The following BCAS3 variants were observed in gnomAD, a reference collection of about 807,000 sequenced individuals.
The protein encoded by BCAS3 is BCAS4/BCAS3 fusion.
BCAS3 carries 53 observed loss-of-function variants against 116.1 expected under a neutral mutation model. The ratio of observed to expected loss-of-function variants is 0.46; its 90% CI spans 0.37 to 0.57. The LOEUF (loss-of-function observed/expected upper bound fraction) is 0.57, where lower values mean the gene tolerates loss of function less well. BCAS3 is among the 20% of genes least tolerant of loss of function. The pLI, the probability that BCAS3 is intolerant of heterozygous loss-of-function variation, is 0.00. For missense variants in BCAS3, 917 were observed against 1,165.4 expected, an observed-to-expected ratio of 0.79 and a Z score of 3.10; for synonymous variants, 391 against 408.2, an observed-to-expected ratio of 0.96 and a Z score of 0.51.
At chr17:60,692,579 T>TCAA (rs1195276998) in intron 4 of BCAS3, among the ~76,000 whole-genome samples, 3 of 149,368 alleles carry the variant, frequency 2.0e-5, no homozygotes, top group African/African-American at 7.7e-5. Flanking sequence ...TGTTGAATAT[T>TCAA]GAAACAGGAC....
chr17:60,919,025 T>C (rs569366207), intron 12 of BCAS3, among the ~76,000 whole-genome samples: 7 of 152,294 alleles, frequency 4.6e-5, no homozygotes, highest in Admixed American at 2.6e-4. Context: ...CATTGAGTTA[T>C]TCAGTTTATG....
At chr17:61,045,881 A>C (rs1600731263) in intron 19 of BCAS3, among the ~76,000 whole-genome samples, 2 of 45,332 alleles carry the variant, frequency 4.4e-5, no homozygotes, top group African/African-American at 3.7e-4. Flanking sequence ...ATATAAATAT[A>C]TATTATATAT....
Position 60,683,971 on chromosome 17 carries a change from C to A in BCAS3, c.84-11C>A. On this transcript the variant is annotated splice_polypyrimidine_tract_variant and intron_variant, in intron 2 of 23. Transcript: ENST00000407086. The stretch of plus-strand genomic sequence containing the variant: ...CTCCTGACCAGTGTTGTCCATTTCA[C>A]CCTTTTCCAGAGAGCAGTCCTACAT... 3 of 1,612,454 alleles carry A rather than the reference C, an allele frequency of 1.9e-6. No individual in the cohort carries two copies. Among genetic ancestry groups the A allele is most frequent in the Non-Finnish European group, 2.5e-6 (3 of 1,178,686 alleles).
At chr17:61,129,866 T>C (rs796743456) in intron 22 of BCAS3, among the ~76,000 whole-genome samples, 9 of 152,384 alleles carry the variant, frequency 5.9e-5, no homozygotes, top group African/African-American at 2.2e-4. Context: ...TATAAAGCTG[T>C]AATTTCTCAC....
At chr17:61,062,070 G>GAT (rs1358087965) in intron 19 of BCAS3, among the ~76,000 whole-genome samples, 1 of 152,112 alleles carries the variant, frequency 6.6e-6, no homozygotes, top group Non-Finnish European at 1.5e-5. Flanking sequence ...AACTTCTGTT[G>GAT]ATATATATCT....
chr17:60,834,803 T>C (rs1193491590), intron 7 of BCAS3, among the ~76,000 whole-genome samples: 2 of 152,004 alleles, frequency 1.3e-5, no homozygotes, highest in Non-Finnish European at 2.9e-5. Flanking sequence ...ATAAGGAGTT[T>C]TAAGTTATAT....
In BCAS3 at chr17:61,118,768, G is replaced by A. The variant is rs934821132; in HGVS notation, c.2425+34204G>A. Reference sequence around the variant, plus strand: ...TTTTGTTGTGACAAAAGCATAGACAGACCTTGAGGTGTAGAAATGTTCAAT... The same window carrying A: ...TTTTGTTGTGACAAAAGCATAGACAAACCTTGAGGTGTAGAAATGTTCAAT... On this transcript the variant is annotated intron_variant, in intron 22 of 23. Transcript: ENST00000407086. The surrounding 1 kb of genome is among the most constrained non-coding windows in gnomAD (Gnocchi z 5.0). Among the ~76,000 whole-genome samples, 1 of 152,198 alleles carries A rather than the reference G, an allele frequency of 6.6e-6. No homozygotes were observed. The highest frequency in any genetic ancestry group is 2.4e-5 in the African/African-American group (1 of 41,438).
intron 5 of BCAS3, among the ~76,000 whole-genome samples, chr17:60,723,702 A>ACTTT (rs1395017093): frequency 4.0e-5 from 5 of 123,822 alleles, no homozygotes; most frequent in African/African-American, 8.9e-5. Context: ...TTACTTTTTC[A>ACTTT]CTTTCTTTCT....
chr17:61,318,557 C>A (rs963910575), intron 22 of BCAS3, among the ~76,000 whole-genome samples: 1 of 152,146 alleles, frequency 6.6e-6, no homozygotes, highest in Non-Finnish European at 1.5e-5. Context: ...AGGGACACAC[C>A]GCTTAATCAC....
chr17:61,033,762 A>G (rs2066815708), intron 16 of BCAS3, among the ~76,000 whole-genome samples: 1 of 152,190 alleles, frequency 6.6e-6, no homozygotes, highest in Admixed American at 6.5e-5. Context: ...GTGATTGGCA[A>G]AATTGCTTTG....
intron 13 of BCAS3, among the ~76,000 whole-genome samples, chr17:60,936,456 CT>C: frequency 6.6e-6 from 1 of 152,210 alleles, no homozygotes; most frequent in African/African-American, 2.4e-5. Flanking sequence ...AATGGTTGAA[CT>C]AGTTTACAGT....
intron 22 of BCAS3, among the ~76,000 whole-genome samples, chr17:61,216,556 T>TTATG (rs2081803579): frequency 6.6e-6 from 1 of 151,944 alleles, no homozygotes; most frequent in Non-Finnish European, 1.5e-5. Flanking sequence ...TTTTATTTAT[T>TTATG]TATTTTTGAG....
chr17:61,146,140 G>A (rs559796940), intron 22 of BCAS3, among the ~76,000 whole-genome samples: 85 of 144,278 alleles, frequency 5.9e-4, no homozygotes, highest in Middle Eastern at 3.6e-3. Flanking sequence ...ACAGTTTCAC[G>A]CTGTGGCCCA....
chr17:60,758,910 A>G (rs914865124), intron 6 of BCAS3, among the ~76,000 whole-genome samples: 1 of 151,296 alleles, frequency 6.6e-6, no homozygotes, highest in Admixed American at 6.6e-5. Flanking sequence ...TGTAATTTCC[A>G]TGTATTTGTA....
intron 5 of BCAS3, among the ~76,000 whole-genome samples, chr17:60,720,836 AC>A (rs1458540499): frequency 6.6e-6 from 1 of 152,054 alleles, no homozygotes; most frequent in Non-Finnish European, 1.5e-5. Flanking sequence ...TCTGGAACCA[AC>A]CCCATGTGAA....
At chr17:60,853,215 A>G (rs942207256) in intron 7 of BCAS3, among the ~76,000 whole-genome samples, 6 of 152,254 alleles carry the variant, frequency 3.9e-5, no homozygotes, top group African/African-American at 1.2e-4. Context: ...TTCTAACTAT[A>G]TAATGAAACT....
chr17:60,725,790 C>T (rs1442122917), intron 5 of BCAS3, among the ~76,000 whole-genome samples: 1 of 152,144 alleles, frequency 6.6e-6, no homozygotes, highest in Non-Finnish European at 1.5e-5. Context: ...GGTATGAATA[C>T]AGTGCTGTAG....
Position 60,964,294 on chromosome 17 carries a change from A to G in BCAS3, c.1221+16942A>G, listed in dbSNP as rs1242246548. On this transcript the variant is annotated intron_variant, in intron 14 of 23. Transcript: ENST00000407086. The surrounding 1 kb of genome is among the most constrained non-coding windows in gnomAD (Gnocchi z 4.6). ...ATACTTTTTCAGTATCTATTGAAAT[A>G]TGTGGTTTTTGTTTTTGATTCTGTT... Among the ~76,000 whole-genome samples the G allele has an allele frequency of 1.3e-5, 2 of 152,064 alleles. No individual in the cohort carries two copies. Among genetic ancestry groups the G allele is most frequent in the African/African-American group, 4.8e-5 (2 of 41,392 alleles).
intron 22 of BCAS3, among the ~76,000 whole-genome samples, chr17:61,271,589 CTG>C (rs34693526): frequency 0.26 from 31,125 of 117,892 alleles, 3,984 homozygotes; most frequent in Non-Finnish European, 0.32. Flanking sequence ...ACGCCCAGCT[CTG>C]TGTGTGTGTG....
Sources: gnomAD v4.1 joint callset for allele counts (sites outside exome capture counted in the v4.1 genomes callset) on GRCh38, gnomAD v4.1.1 for gene constraint, Gnocchi (gnomAD v3.1) non-coding constraint, MANE v1.5 for transcripts, NCBI Gene and HGNC (gene_info 2026-07-23, HGNC 2026-07-21) for gene names.